The following KCND3 variants were observed in gnomAD, a reference collection of about 807,000 sequenced individuals.
KCND3 encodes A-type voltage-gated potassium channel KCND3.
KCND3 carries 9 observed loss-of-function variants against 51.1 expected under a neutral mutation model. The observed-to-expected ratio is 0.18, with a 90% CI of 0.11 to 0.31. KCND3 has a LOEUF of 0.31. Ranked by LOEUF, KCND3 falls within the 10% of genes least tolerant of loss-of-function variation. The pLI, the probability that KCND3 is intolerant of heterozygous loss-of-function variation, is 1.00. For synonymous variants in KCND3, 349 were observed against 368.0 expected, an observed-to-expected ratio of 0.95 and a Z score of 0.59; for missense variants, 526 against 903.8, an observed-to-expected ratio of 0.58 and a Z score of 5.36.
chr1:111,871,364 T>C (rs934690557), intron 2 of KCND3, among the ~76,000 whole-genome samples: 1 of 152,140 alleles, frequency 6.6e-6, no homozygotes, highest in Admixed American at 6.5e-5. Flanking sequence ...GAATCATGGA[T>C]GAGGCAGAGA....
chr1:111,964,749 G>A (rs1460314556), intron 2 of KCND3, among the ~76,000 whole-genome samples: 12 of 152,192 alleles, frequency 7.9e-5, no homozygotes, highest in Admixed American at 7.9e-4. Flanking sequence ...GAAAAGGAGG[G>A]GGTATTGTCC....
chr1:111,880,708 G>A lies in KCND3; in HGVS notation c.1107-93602C>T, dbSNP rs562936949. Among the ~76,000 whole-genome samples the A allele has an allele frequency of 7.2e-4, 110 of 152,218 alleles. 1 individual carries two copies. The highest frequency in any genetic ancestry group is 2.4e-3 in the African/African-American group (101 of 41,548). On this transcript the variant is annotated intron_variant, in intron 2 of 7. Coordinates refer to ENST00000302127, the MANE Select transcript of KCND3 (RefSeq NM_001378969.1). ...TTTAAACCTTATTGAAATTTCTACC[G>A]TGGAAACATTTAAATATCATAGTTA...
At chr1:111,939,308 T>A (rs919690971) in intron 2 of KCND3, among the ~76,000 whole-genome samples, 3 of 152,148 alleles carry the variant, frequency 2.0e-5, no homozygotes, top group Non-Finnish European at 2.9e-5. Context: ...TATACACATG[T>A]CATGGTGGTT....
chr1:111,820,164 T>C (rs574556147), intron 2 of KCND3, among the ~76,000 whole-genome samples: 1 of 152,338 alleles, frequency 6.6e-6, no homozygotes, highest in Admixed American at 6.5e-5. Context: ...TCCAGCCAAA[T>C]GGAACTCCAG....
intron 2 of KCND3, among the ~76,000 whole-genome samples, chr1:111,841,291 G>A (rs781372155): frequency 5.3e-5 from 8 of 152,188 alleles, no homozygotes; most frequent in African/African-American, 1.9e-4. Context: ...TTTCAGGCAC[G>A]TAGTGTTTCT....
rs79054444 is a variant in KCND3, at chr1:111,797,529, G to C, written c.1107-10423C>G. On this transcript the variant is annotated intron_variant, in intron 2 of 7. Coordinates refer to ENST00000302127, the MANE Select transcript of KCND3 (RefSeq NM_001378969.1). Reference sequence around the variant, plus strand: ...TAGGTATGTCCTCTGCCCTCAAGGAGCTTATGATGTTTATAGGGAAGACAG... The same window carrying C: ...TAGGTATGTCCTCTGCCCTCAAGGACCTTATGATGTTTATAGGGAAGACAG... Among the ~76,000 whole-genome samples, 1,421 of 152,292 alleles carry C rather than the reference G, an allele frequency of 9.3e-3. 21 individuals are homozygous for C. The highest frequency in any genetic ancestry group is 0.033 in the African/African-American group (1,355 of 41,542).
chr1:111,910,155 A>C (rs1324950585), intron 2 of KCND3: 1 of 152,152 alleles, frequency 6.6e-6, no homozygotes, highest in Non-Finnish European at 1.5e-5. Context: ...CCCTCAGAGG[A>C]CCCAGTGGAG....
At chr1:111,900,097 T>C (rs1045460626) in intron 2 of KCND3, among the ~76,000 whole-genome samples, 2 of 152,084 alleles carry the variant, frequency 1.3e-5, no homozygotes, top group Non-Finnish European at 2.9e-5. Context: ...TGGGGGACTA[T>C]CTTAGCCATT....
chr1:111,797,543 T>C (rs760709691), intron 2 of KCND3, among the ~76,000 whole-genome samples: 4 of 152,196 alleles, frequency 2.6e-5, no homozygotes, highest in Non-Finnish European at 4.4e-5. Flanking sequence ...ATGATGTTTA[T>C]AGGGAAGACA....
At chr1:111,987,786 T>C (rs539000279) in intron 1 of KCND3, among the ~76,000 whole-genome samples, 125 of 152,142 alleles carry the variant, frequency 8.2e-4, no homozygotes, top group Non-Finnish European at 1.3e-3. Flanking sequence ...GTGGACGCCT[T>C]ACAAATGAAA....
chr1:111,881,914 G>A (rs1669347437), intron 2 of KCND3, among the ~76,000 whole-genome samples: 1 of 152,206 alleles, frequency 6.6e-6, no homozygotes, highest in South Asian at 2.1e-4. Flanking sequence ...CCAGACAAGA[G>A]CACCGTGCTT....
chr1:111,938,957 A>G (rs12401362), intron 2 of KCND3, among the ~76,000 whole-genome samples: 2,275 of 152,336 alleles, frequency 0.015, 20 homozygotes, highest in Non-Finnish European at 0.023. Context: ...CTTATACCCC[A>G]ACTGCCTAGG....
At chr1:111,891,714 A>C (rs1408843513) in intron 2 of KCND3, among the ~76,000 whole-genome samples, 1 of 152,220 alleles carries the variant, frequency 6.6e-6, no homozygotes, top group African/African-American at 2.4e-5. Flanking sequence ...TAAATGCAGA[A>C]ATTTTTGTCT....
At chr1:111,978,777 C>A (rs1266108997) in intron 2 of KCND3, among the ~76,000 whole-genome samples, 1 of 152,106 alleles carries the variant, frequency 6.6e-6, no homozygotes, top group African/African-American at 2.4e-5. Context: ...ACAAGTAGGT[C>A]TAGAAGGGAC....
At chr1:111,915,850 T>C (rs1330345091) in intron 2 of KCND3, among the ~76,000 whole-genome samples, 1 of 146,248 alleles carries the variant, frequency 6.8e-6, no homozygotes, top group Non-Finnish European at 1.5e-5. Context: ...GATTTTATAA[T>C]GATAAAGGGA....
chr1:111,977,577 C>T (rs1674705599), intron 2 of KCND3, among the ~76,000 whole-genome samples: 2 of 152,162 alleles, frequency 1.3e-5, no homozygotes, highest in African/African-American at 4.8e-5. Context: ...GCCATCTCAT[C>T]GGGATCGGAC....
chr1:111,780,664 C>G lies in KCND3; in HGVS notation c.1371+26G>C. On this transcript the variant is annotated intron_variant, in intron 4 of 7. Transcript: ENST00000302127. This position sits in a 1 kb window ranked among gnomAD's most constrained non-coding sequence, Gnocchi z 4.2. ...AAGCCCATCTACCCCTTTATGTTCC[C>G]TAGCCCAGGTCCTCTAGGCACCTAC... 1 of 1,579,656 alleles carries G rather than the reference C, an allele frequency of 6.3e-7. No individual in the cohort carries two copies. The highest frequency in any genetic ancestry group is 8.6e-7 in the Non-Finnish European group (1 of 1,157,578).
chr1:111,796,938 G>A (rs1162029170), intron 2 of KCND3, among the ~76,000 whole-genome samples: 1 of 152,142 alleles, frequency 6.6e-6, no homozygotes, highest in Non-Finnish European at 1.5e-5. Context: ...ACAGCGGCAG[G>A]CTCCTGGCCA....
At chr1:111,974,987 C>T (rs987140724) in intron 2 of KCND3, among the ~76,000 whole-genome samples, 1 of 152,226 alleles carries the variant, frequency 6.6e-6, no homozygotes, top group Non-Finnish European at 1.5e-5. Context: ...ATTAATCTTT[C>T]CCTTCTCTGC....
Sources: allele counts gnomAD v4.1 joint callset (sites outside exome capture counted in the v4.1 genomes callset), GRCh38; gene constraint gnomAD v4.1.1; non-coding constraint Gnocchi (gnomAD v3.1); transcripts MANE v1.5; gene names NCBI Gene and HGNC (gene_info 2026-07-23, HGNC 2026-07-21).